The following DENND1B variants were observed in gnomAD, a reference collection of about 807,000 sequenced individuals.
DENND1B encodes DENN domain containing 1B.
A neutral mutation model predicts 90.1 loss-of-function variants in DENND1B; 59 were observed. That is an observed-to-expected ratio of 0.65 (90% CI 0.53 to 0.81). The LOEUF (loss-of-function observed/expected upper bound fraction) is 0.81. DENND1B is among the 40% of genes least tolerant of loss of function. The pLI is 0.00. For missense variants in DENND1B, 862 were observed against 912.6 expected, an observed-to-expected ratio of 0.94 and a Z score of 0.71; for synonymous variants, 337 against 324.6, an observed-to-expected ratio of 1.04 and a Z score of -0.41.
At chr1:197,715,308 G>T (rs1304122321) in intron 2 of DENND1B, among the ~76,000 whole-genome samples, 2 of 151,600 alleles carry the variant, frequency 1.3e-5, no homozygotes, top group Admixed American at 6.6e-5. Flanking sequence ...TTAATAACTT[G>T]GTCAGGTTAT....
chr1:197,544,955 G>GGGAGAA (rs1421252995), intron 18 of DENND1B, among the ~76,000 whole-genome samples: 1 of 54,234 alleles, frequency 1.8e-5, no homozygotes, highest in African/African-American at 6.4e-5. Context: ...GAAGAGAGAA[G>GGGAGAA]GGAGAAGGAG....
intron 3 of DENND1B, 83 bp downstream of exon 3, chr1:197,714,948 T>C (rs141657200): frequency 1.8e-4 from 177 of 1,008,204 alleles, no homozygotes; most frequent in Non-Finnish European, 2.6e-4. Context: ...CACTAGTAGT[T>C]ATACTAGCAA....
At chr1:197,595,391 G>A (rs1325564975) in intron 13 of DENND1B, 58 bp from the exon 14 acceptor site, 31 of 1,587,428 alleles carry the variant, frequency 2.0e-5, no homozygotes, top group Non-Finnish European at 2.5e-5. Flanking sequence ...CAGCGAGGTA[G>A]GAACCCAATC....
At chr1:197,580,728 C>T (rs1674158905) in intron 15 of DENND1B, among the ~76,000 whole-genome samples, 1 of 152,082 alleles carries the variant, frequency 6.6e-6, no homozygotes. Context: ...CCTTACAGAT[C>T]CCCAGGAAAC....
At position 197,675,234 on chromosome 1, in the gene DENND1B, C is replaced by G. The variant is rs1331437949; in HGVS notation, c.127-1065G>C. On this transcript the variant is annotated intron_variant, in intron 3 of 22. Coordinates refer to ENST00000620048, the MANE Select transcript of DENND1B (RefSeq NM_001195215.2). ...ACTTCTTTGCCACTAAAACTAAGGT[C>G]TACAGAAGTCATCAATATCTGAATA... 2.0e-5 allele frequency among the ~76,000 whole-genome samples: 3 copies of G among 152,074 alleles called. No individual in the cohort carries two copies. The East Asian group carries it at 5.8e-4, about 29-fold the overall frequency.
At chr1:197,522,646 T>C (rs1364679356) in intron 20 of DENND1B, among the ~76,000 whole-genome samples, 1 of 152,146 alleles carries the variant, frequency 6.6e-6, no homozygotes, top group East Asian at 1.9e-4. Context: ...ACTTAGAAGG[T>C]AAAACCTGCA....
intron 15 of DENND1B, among the ~76,000 whole-genome samples, chr1:197,562,350 G>T (rs747919611): frequency 3.3e-5 from 5 of 151,938 alleles, no homozygotes; most frequent in Non-Finnish European, 7.4e-5. Context: ...ACCCTCCATT[G>T]AGCAAATCTG....
intron 2 of DENND1B, among the ~76,000 whole-genome samples, chr1:197,770,880 A>G (rs999468961): frequency 7.1e-6 from 1 of 139,988 alleles, no homozygotes; most frequent in African/African-American, 2.7e-5. Context: ...CTATAAATAT[A>G]TGTATCTATA....
rs539526164 is a variant in DENND1B at position 197,630,863 on chromosome 1, C to T, written c.672+11848G>A. The stretch of plus-strand genomic sequence containing the variant: ...AGGATACAGTAATGAACAAAACATA[C>T]AAAAATCTGTACTCTCAAGGAACTT... On this transcript the variant is annotated intron_variant, in intron 10 of 22. Coordinates refer to ENST00000620048, the MANE Select transcript of DENND1B (RefSeq NM_001195215.2). Among the ~76,000 whole-genome samples, 37 of 152,156 alleles carry T rather than the reference C, an allele frequency of 2.4e-4. 1 individual carries two copies. Among genetic ancestry groups the T allele is most frequent in the Middle Eastern group, 3.4e-3 (1 of 294 alleles).
Position 197,753,727 on chromosome 1 carries a change from G to A in DENND1B, c.82+19141C>T, listed in dbSNP as rs11806492. On this transcript the variant is annotated intron_variant, in intron 2 of 22. Coordinates refer to ENST00000620048, the MANE Select transcript of DENND1B (RefSeq NM_001195215.2). ...TTAAAAATAAAGTCGATGGCCACGCGCGGTGGCTCACGCCTATAATCCCAA... is the reference window on the plus strand; with the variant it reads ...TTAAAAATAAAGTCGATGGCCACGCACGGTGGCTCACGCCTATAATCCCAA... 5.2e-3 allele frequency among the ~76,000 whole-genome samples: 791 copies of A among 152,142 alleles called. 14 individuals are homozygous for A. Among genetic ancestry groups the A allele is most frequent in the African/African-American group, 0.017 (725 of 41,432 alleles).
chr1:197,682,527 G>A (rs146124988), intron 3 of DENND1B, among the ~76,000 whole-genome samples: 10 of 152,038 alleles, frequency 6.6e-5, no homozygotes, highest in African/African-American at 1.9e-4. Context: ...AATAGCAATC[G>A]CGGCTAATAA....
At chr1:197,580,382 G>GT in intron 15 of DENND1B, among the ~76,000 whole-genome samples, 1 of 150,954 alleles carries the variant, frequency 6.6e-6, no homozygotes, top group South Asian at 2.1e-4. Flanking sequence ...ACAGGTACCT[G>GT]TTGCTAGGAT....
Position 197,527,522 on chromosome 1 carries a change from TCCGCCTGCCTCGG to T in DENND1B, c.1515+12429_1515+12441del, listed in dbSNP as rs535465771. On this transcript the variant is annotated intron_variant, in intron 20 of 22. Transcript: ENST00000620048. ...GTCTCGAACTCCTGACCTCAAGTGA[TCCGCCTGCCTCGG>T]CCTCCAAACGTGCTGGGATTACAGG... is the stretch of plus-strand genomic sequence containing the variant. Among the ~76,000 whole-genome samples, 916 of 152,148 alleles carry T rather than the reference TCCGCCTGCCTCGG, an allele frequency of 6.0e-3. 3 individuals are homozygous for T. The highest frequency in any genetic ancestry group is 0.021 in the African/African-American group (882 of 41,508).
chr1:197,630,947 T>C (rs370785500), intron 10 of DENND1B, among the ~76,000 whole-genome samples: 4 of 152,140 alleles, frequency 2.6e-5, no homozygotes, highest in South Asian at 4.1e-4. Flanking sequence ...GTCACAACTC[T>C]TTGGATTTCT....
intron 7 of DENND1B, 84 bp from the exon 8 acceptor site, chr1:197,647,198 A>T: frequency 1.1e-6 from 1 of 878,058 alleles, no homozygotes; most frequent in Non-Finnish European, 1.6e-6. Flanking sequence ...ATTGAGACAA[A>T]CCCATGTAGC....
At chr1:197,521,288 CT>C (rs1042660988) in intron 20 of DENND1B, among the ~76,000 whole-genome samples, 4 of 151,882 alleles carry the variant, frequency 2.6e-5, no homozygotes, top group Non-Finnish European at 2.9e-5. Context: ...AATCACTCCC[CT>C]GATGCACCAA....
At chr1:197,739,322 T>C (rs1663001540) in intron 2 of DENND1B, among the ~76,000 whole-genome samples, 1 of 152,202 alleles carries the variant, frequency 6.6e-6, no homozygotes, top group African/African-American at 2.4e-5. Flanking sequence ...CCAAATAACT[T>C]AACTGTAATC....
chr1:197,672,217 CAAAAAT>C, intron 4 of DENND1B, 61 bp from the exon 5 acceptor site: 1 of 1,530,720 alleles, frequency 6.5e-7, no homozygotes. Flanking sequence ...TCAAGAAAAA[CAAAAAT>C]AAGAGTATAT....
rs1217948828 is a variant in DENND1B at position 197,540,945 on chromosome 1, T to A, written c.1407+14A>T. On this transcript the variant is annotated intron_variant, in intron 19 of 22. Coordinates refer to ENST00000620048, the MANE Select transcript of DENND1B (RefSeq NM_001195215.2). ...AGAATCAAGGTAAAATGGAAAAAAA[T>A]GAATATGACATACCTTGTGTTTTAG... 1.9e-6 allele frequency: 3 copies of A among 1,602,616 alleles called. No homozygotes were observed. The highest frequency in any genetic ancestry group is 2.3e-5 in the South Asian group (2 of 88,338).
Sources: gnomAD v4.1 joint callset for allele counts (sites outside exome capture counted in the v4.1 genomes callset) on GRCh38, gnomAD v4.1.1 for gene constraint, MANE v1.5 for transcripts, NCBI Gene and HGNC (gene_info 2026-07-23, HGNC 2026-07-21) for gene names.